The following FAF1 variants were observed in gnomAD, a reference collection of about 807,000 sequenced individuals.
The protein encoded by FAF1 is FAS-associated factor 1.
Under a neutral mutation model 92.5 loss-of-function variants are expected in FAF1, and 25 were observed. That is an observed-to-expected ratio of 0.27 (90% CI 0.20 to 0.38). The LOEUF (loss-of-function observed/expected upper bound fraction) is 0.38. Among genes scored for constraint, FAF1 ranks in the 10% least tolerant of loss-of-function variants. FAF1 has a pLI of 1.00. For missense variants in FAF1, 636 were observed against 793.3 expected, an observed-to-expected ratio of 0.80 and a Z score of 2.38; for synonymous variants, 234 against 273.2, an observed-to-expected ratio of 0.86 and a Z score of 1.42.
At chr1:50,835,641 T>C (rs1557550866) in intron 2 of FAF1, among the ~76,000 whole-genome samples, 1 of 150,650 alleles carries the variant, frequency 6.6e-6, no homozygotes, top group Non-Finnish European at 1.5e-5. Context: ...ATTATGAAAC[T>C]GTAAAATTGG....
chr1:50,904,030 A>G (rs896845711), intron 1 of FAF1, among the ~76,000 whole-genome samples: 1 of 152,224 alleles, frequency 6.6e-6, no homozygotes, highest in African/African-American at 2.4e-5. Context: ...ATATATTCCA[A>G]AAACTAAATG....
intron 7 of FAF1, among the ~76,000 whole-genome samples, chr1:50,701,631 G>A (rs1049813115): frequency 6.6e-6 from 1 of 152,026 alleles, no homozygotes; most frequent in African/African-American, 2.4e-5. Context: ...TACAAAATCC[G>A]ACGTTAGGTT....
intron 18 of FAF1, among the ~76,000 whole-genome samples, chr1:50,467,374 C>T (rs577710718): frequency 6.6e-5 from 10 of 152,184 alleles, no homozygotes; most frequent in African/African-American, 2.2e-4. Context: ...AGTGCAGTGG[C>T]GCAATCTCGG....
At position 50,960,255 on chromosome 1, in the gene FAF1, T is replaced by G; in HGVS notation, c.-444A>C. 3.0e-6 allele frequency: 1 copy of G among 331,746 alleles called. No homozygotes were observed. Among genetic ancestry groups the G allele is most frequent in the South Asian group, 1.4e-4 (1 of 6,902 alleles). The allele number at this position is 331,746 out of a possible 1,614,324, so 20.6% of individuals were successfully genotyped here. On this transcript the variant is annotated 5_prime_UTR_variant, in exon 1 of 19. Transcript: ENST00000396153. Reference sequence around the variant, plus strand: ...CTCCGCTTCCTCCCTGGCCGCCGCCTCCGCCCCTGGTTGGCCAGCGCCACG... The same window carrying G: ...CTCCGCTTCCTCCCTGGCCGCCGCCGCCGCCCCTGGTTGGCCAGCGCCACG...
At chr1:50,870,065 T>G (rs1644514859) in intron 1 of FAF1, among the ~76,000 whole-genome samples, 1 of 152,260 alleles carries the variant, frequency 6.6e-6, no homozygotes, top group South Asian at 2.1e-4. Context: ...AGACCAGTTT[T>G]AATTTGCATG....
intron 1 of FAF1, among the ~76,000 whole-genome samples, chr1:50,944,880 G>A (rs760186024): frequency 2.6e-5 from 4 of 152,102 alleles, no homozygotes; most frequent in Non-Finnish European, 5.9e-5. Context: ...TCAAAATAGG[G>A]CTATATAACC....
chr1:50,854,450 G>C lies in FAF1; in HGVS notation c.114+3479C>G, dbSNP rs144934108. Among the ~76,000 whole-genome samples the C allele has an allele frequency of 1.8e-4, 28 of 152,102 alleles. No homozygotes were observed. The East Asian group carries it at 5.2e-3, about 28-fold the overall frequency. ...CAGGACAATGTGAAAAATGGTAACA[G>C]TCAGAGGGAGATAACCTTGGGACAG... On this transcript the variant is annotated intron_variant, in intron 2 of 18. Transcript: ENST00000396153.
intron 1 of FAF1, among the ~76,000 whole-genome samples, chr1:50,952,938 T>C (rs1645231494): frequency 6.6e-6 from 1 of 152,168 alleles, no homozygotes; most frequent in African/African-American, 2.4e-5. Flanking sequence ...CGATGGCGGT[T>C]TTGTCGAATA....
chr1:50,789,648 T>C (rs72902763), intron 3 of FAF1, among the ~76,000 whole-genome samples: 10,124 of 152,240 alleles, frequency 0.067, 413 homozygotes, highest in East Asian at 0.094. Context: ...AATCCCTTTA[T>C]ATGTACTCCT....
chr1:50,458,019 G>A (rs12080658), intron 18 of FAF1, among the ~76,000 whole-genome samples: 2 of 151,862 alleles, frequency 1.3e-5, no homozygotes, highest in Non-Finnish European at 2.9e-5. Flanking sequence ...TTCAAAACCA[G>A]CTTGACCAAC....
intron 1 of FAF1, among the ~76,000 whole-genome samples, chr1:50,910,748 G>A (rs1370227299): frequency 6.6e-6 from 1 of 151,928 alleles, no homozygotes; most frequent in African/African-American, 2.4e-5. Context: ...GTATTAGGGT[G>A]GGAGTGTCCC....
At chr1:50,462,622 G>A (rs1462575913) in intron 18 of FAF1, among the ~76,000 whole-genome samples, 4 of 152,264 alleles carry the variant, frequency 2.6e-5, no homozygotes, top group South Asian at 4.1e-4. Flanking sequence ...GTAGGGGTTC[G>A]GAGCAGACCA....
chr1:50,457,865 C>CAAAAA (rs78520067), intron 18 of FAF1, among the ~76,000 whole-genome samples: 1 of 59,452 alleles, frequency 1.7e-5, no homozygotes, highest in South Asian at 5.4e-4. Context: ...ACCCTGTCTC[C>CAAAAA]AAAAAAAAAA....
intron 1 of FAF1, among the ~76,000 whole-genome samples, chr1:50,873,607 C>A (rs1644546433): frequency 6.6e-6 from 1 of 152,174 alleles, no homozygotes; most frequent in African/African-American, 2.4e-5. Flanking sequence ...ATACTCCGAC[C>A]AACACCATGA....
intron 5 of FAF1, among the ~76,000 whole-genome samples, chr1:50,741,450 T>A (rs1659385100): frequency 6.6e-6 from 1 of 152,180 alleles, no homozygotes; most frequent in Non-Finnish European, 1.5e-5. Flanking sequence ...TTATTTGAAA[T>A]GTAATAAAAA....
intron 1 of FAF1, among the ~76,000 whole-genome samples, chr1:50,898,071 A>G (rs1644770294): frequency 6.6e-6 from 1 of 152,184 alleles, no homozygotes; most frequent in South Asian, 2.1e-4. Flanking sequence ...GTTTTCAGCC[A>G]CTTTACTATG....
intron 2 of FAF1, among the ~76,000 whole-genome samples, chr1:50,833,415 G>A (rs1281996520): frequency 1.3e-5 from 2 of 151,900 alleles, no homozygotes; most frequent in Non-Finnish European, 2.9e-5. Context: ...GGGCGGGTGT[G>A]TGGGAGACAG....
chr1:50,509,746 C>G (rs1572795518), intron 15 of FAF1, among the ~76,000 whole-genome samples: 1 of 152,084 alleles, frequency 6.6e-6, no homozygotes, highest in African/African-American at 2.4e-5. Flanking sequence ...CCGAACAGTA[C>G]AGGGAAAAGG....
intron 8 of FAF1, among the ~76,000 whole-genome samples, chr1:50,637,852 T>A (rs866814417): frequency 2.0e-5 from 3 of 151,820 alleles, no homozygotes; most frequent in Middle Eastern, 3.4e-3. Flanking sequence ...TCCTATATTT[T>A]CCCCAAGTTT....
Sources: gnomAD v4.1 joint callset for allele counts (sites outside exome capture counted in the v4.1 genomes callset) on GRCh38, gnomAD v4.1.1 for gene constraint, MANE v1.5 for transcripts, NCBI Gene and HGNC (gene_info 2026-07-23, HGNC 2026-07-21) for gene names.